The following MYRIP variants were observed in gnomAD, a reference collection of about 807,000 sequenced individuals.
MYRIP encodes rab effector MyRIP.
A neutral mutation model predicts 98.0 loss-of-function variants in MYRIP; 49 were observed. That is an observed-to-expected ratio of 0.50 (90% CI 0.40 to 0.63). The LOEUF is 0.63. Ranked by LOEUF, MYRIP falls within the 30% of genes least tolerant of loss-of-function variation. The probability of loss-of-function intolerance (pLI) is 0.00; values close to 1 mark genes in which losing one functional copy is unlikely to be tolerated. For synonymous variants in MYRIP, 404 were observed against 409.5 expected, an observed-to-expected ratio of 0.99 and a Z score of 0.16; for missense variants, 1,004 against 1,058.2, an observed-to-expected ratio of 0.95 and a Z score of 0.71.
chr3:40,235,219 C>A (rs1312870267), intron 12 of MYRIP, among the ~76,000 whole-genome samples: 1 of 152,166 alleles, frequency 6.6e-6, no homozygotes, highest in African/African-American at 2.4e-5. Context: ...TCCCGCTCCC[C>A]AATTCCTATG....
chr3:39,899,392 A>G (rs1383483488), intron 1 of MYRIP, among the ~76,000 whole-genome samples: 1 of 152,118 alleles, frequency 6.6e-6, no homozygotes, highest in African/African-American at 2.4e-5. Flanking sequence ...ATGGATGTTT[A>G]GTGTTTTTCC....
At chr3:39,932,875 T>C (rs1025710015) in intron 2 of MYRIP, among the ~76,000 whole-genome samples, 28 of 152,228 alleles carry the variant, frequency 1.8e-4, no homozygotes, top group African/African-American at 6.8e-4. Context: ...AGAGATGTGC[T>C]TAAACTTTCC....
chr3:40,191,313 A>G (rs1204041816), intron 10 of MYRIP, among the ~76,000 whole-genome samples: 1 of 152,176 alleles, frequency 6.6e-6, no homozygotes, highest in Non-Finnish European at 1.5e-5. Context: ...TTCTCTAAAT[A>G]CACCCTGCTC....
chr3:40,122,561 TAAAC>T (rs1478407824), intron 3 of MYRIP, among the ~76,000 whole-genome samples: 3 of 151,850 alleles, frequency 2.0e-5, no homozygotes, highest in Admixed American at 2.0e-4. Flanking sequence ...GATACATAAT[TAAAC>T]ACATTAATCT....
At chr3:39,839,079 T>C (rs1941717181) in intron 1 of MYRIP, among the ~76,000 whole-genome samples, 1 of 152,154 alleles carries the variant, frequency 6.6e-6, no homozygotes, top group African/African-American at 2.4e-5. Flanking sequence ...GATTCTTCTC[T>C]CTTTTCTTCT....
intron 8 of MYRIP, among the ~76,000 whole-genome samples, chr3:40,181,881 T>G (rs988136689): frequency 6.6e-6 from 1 of 152,164 alleles, no homozygotes; most frequent in Non-Finnish European, 1.5e-5. Context: ...GAGAACATGC[T>G]TTCCACTTTG....
chr3:39,986,900 C>T (rs1216155623), intron 2 of MYRIP, among the ~76,000 whole-genome samples: 4 of 152,154 alleles, frequency 2.6e-5, no homozygotes, highest in Non-Finnish European at 5.9e-5. Context: ...TTGTCCCCTT[C>T]TTCTCTTGTA....
At chr3:40,153,536 AC>A (rs1310844870) in intron 4 of MYRIP, among the ~76,000 whole-genome samples, 2 of 151,974 alleles carry the variant, frequency 1.3e-5, no homozygotes, top group Non-Finnish European at 2.9e-5. Flanking sequence ...ATCATTGTCC[AC>A]CCCCCATTAA....
At chr3:39,973,369 G>A (rs1945652032) in intron 2 of MYRIP, among the ~76,000 whole-genome samples, 1 of 152,030 alleles carries the variant, frequency 6.6e-6, no homozygotes, top group African/African-American at 2.4e-5. Context: ...AAATATATAT[G>A]CACCCAATAC....
At chr3:40,223,991 G>T (rs201602672) in intron 11 of MYRIP, among the ~76,000 whole-genome samples, 1 of 150,502 alleles carries the variant, frequency 6.6e-6, no homozygotes, top group Admixed American at 6.7e-5. Flanking sequence ...TAAAGGAAGG[G>T]CTTTCCAGGC....
intron 2 of MYRIP, among the ~76,000 whole-genome samples, chr3:39,992,218 G>A (rs1452369484): frequency 6.6e-6 from 1 of 151,982 alleles, no homozygotes; most frequent in African/African-American, 2.4e-5. Context: ...CATTTATCAA[G>A]CCTCTCATCT....
chr3:40,093,474 T>G (rs1002705254), intron 3 of MYRIP, among the ~76,000 whole-genome samples: 6 of 152,304 alleles, frequency 3.9e-5, no homozygotes, highest in Middle Eastern at 3.4e-3. Flanking sequence ...AGGATGATCA[T>G]GCCCAGATTC....
chr3:39,979,751 A>G (rs1945844298), intron 2 of MYRIP, among the ~76,000 whole-genome samples: 1 of 152,172 alleles, frequency 6.6e-6, no homozygotes, highest in Non-Finnish European at 1.5e-5. Context: ...GATGCAGGCA[A>G]CATTTGATTT....
chr3:40,000,540 G>A (rs947965476), intron 2 of MYRIP, among the ~76,000 whole-genome samples: 90 of 152,316 alleles, frequency 5.9e-4, no homozygotes, highest in African/African-American at 2.1e-3. Flanking sequence ...TACATCTCTT[G>A]AAATGCCCAG....
intron 1 of MYRIP, among the ~76,000 whole-genome samples, chr3:39,812,437 T>G (rs1940727517): frequency 6.6e-6 from 1 of 152,204 alleles, no homozygotes; most frequent in African/African-American, 2.4e-5. Context: ...GACTTGGTTG[T>G]CCCACCACAC....
intron 2 of MYRIP, among the ~76,000 whole-genome samples, chr3:40,035,188 C>T (rs1173827687): frequency 1.3e-5 from 2 of 151,272 alleles, no homozygotes; most frequent in African/African-American, 4.9e-5. Flanking sequence ...CAAACCTGCA[C>T]ATTGTGCACA....
chr3:40,122,865 G>T (rs1205907110), intron 3 of MYRIP, among the ~76,000 whole-genome samples: 2 of 151,892 alleles, frequency 1.3e-5, no homozygotes, highest in South Asian at 4.2e-4. Flanking sequence ...CAATAAAGTA[G>T]ATATATTTTT....
chr3:39,911,904 G>C (rs1944029150), intron 2 of MYRIP, among the ~76,000 whole-genome samples: 1 of 152,130 alleles, frequency 6.6e-6, no homozygotes, highest in South Asian at 2.1e-4. Flanking sequence ...TCCACCTCCT[G>C]GTCCGTTTCT....
intron 3 of MYRIP, among the ~76,000 whole-genome samples, chr3:40,099,193 T>C (rs1211457299): frequency 6.6e-6 from 1 of 152,168 alleles, no homozygotes; most frequent in East Asian, 1.9e-4. Flanking sequence ...AGGAGGCACA[T>C]TTCAAGAAAG....
Sources: gnomAD v4.1 joint callset for allele counts (sites outside exome capture counted in the v4.1 genomes callset) on GRCh38, gnomAD v4.1.1 for gene constraint, MANE v1.5 for transcripts, NCBI Gene and HGNC (gene_info 2026-07-23, HGNC 2026-07-21) for gene names.